DACH1: variants seen among roughly 807,000 people sequenced by gnomAD.
DACH1 encodes dachshund homolog 1.
A neutral mutation model predicts 54.2 loss-of-function variants in DACH1; 12 were observed. The observed-to-expected ratio is 0.22, with a 90% confidence interval of 0.14 to 0.36. DACH1 has a LOEUF of 0.36. Among genes scored for constraint, DACH1 ranks in the 10% least tolerant of loss-of-function variants. The pLI, the probability that DACH1 is intolerant of heterozygous loss-of-function variation, is 1.00. For missense variants in DACH1, 805 were observed against 929.8 expected, an observed-to-expected ratio of 0.87 and a Z score of 1.75; for synonymous variants, 386 against 366.2, an observed-to-expected ratio of 1.05 and a Z score of -0.62.
intron 10 of DACH1, among the ~76,000 whole-genome samples, chr13:71,470,650 C>G (rs919462779): frequency 1.3e-5 from 2 of 152,050 alleles, no homozygotes; most frequent in Admixed American, 1.3e-4. Context: ...CTTAGGTCAT[C>G]CATTTTTCCC....
At chr13:71,501,366 G>A (rs963205657) in intron 6 of DACH1, among the ~76,000 whole-genome samples, 2 of 152,136 alleles carry the variant, frequency 1.3e-5, no homozygotes, top group Non-Finnish European at 2.9e-5. Flanking sequence ...TTTAGTAAAT[G>A]TTAAGAGATT....
intron 3 of DACH1, among the ~76,000 whole-genome samples, chr13:71,623,657 T>C (rs1876416824): frequency 6.6e-6 from 1 of 151,784 alleles, no homozygotes; most frequent in African/African-American, 2.4e-5. Context: ...TTATCTTTTA[T>C]TGAGGTTTCA....
chr13:71,761,423 CT>C (rs1885396148), intron 1 of DACH1, among the ~76,000 whole-genome samples: 1 of 151,550 alleles, frequency 6.6e-6, no homozygotes, highest in African/African-American at 2.4e-5. Flanking sequence ...TAACTATAAA[CT>C]TCTTCTCTTT....
At chr13:71,589,000 T>C (rs1873493176) in intron 3 of DACH1, among the ~76,000 whole-genome samples, 1 of 151,858 alleles carries the variant, frequency 6.6e-6, no homozygotes, top group Non-Finnish European at 1.5e-5. Context: ...ATTAGCAAAA[T>C]ATCACTCCCT....
At chr13:71,725,372 T>C (rs781414042) in intron 1 of DACH1, among the ~76,000 whole-genome samples, 3 of 152,142 alleles carry the variant, frequency 2.0e-5, no homozygotes, top group Non-Finnish European at 4.4e-5. Context: ...CTAAAACTCC[T>C]CTCAAAAGCT....
chr13:71,653,925 G>T lies in DACH1; in HGVS notation c.965-23208C>A, dbSNP rs1878863171. Among the ~76,000 whole-genome samples, 3 of 151,972 alleles carry T rather than the reference G, an allele frequency of 2.0e-5. No homozygotes were observed. The South Asian group carries it at 6.2e-4, about 32-fold the overall frequency. On this transcript the variant is annotated intron_variant, in intron 2 of 10. Coordinates refer to ENST00000613252, the MANE Select transcript of DACH1 (RefSeq NM_080759.6). ...TAAATGTTCTCATCAGAAAAAAAAAGAAAGAATAGAACCACTATTTATATT... is the reference window on the plus strand; with the variant it reads ...TAAATGTTCTCATCAGAAAAAAAAATAAAGAATAGAACCACTATTTATATT...
rs535847766 is a variant in DACH1 at position 71,589,033 on chromosome 13, A to T, written c.1127-16021T>A. On this transcript the variant is annotated intron_variant, in intron 3 of 10. Transcript: ENST00000613252. Reference sequence around the variant, plus strand: ...CCTATGAAATGCGATAGTGTTTATCAAAAAAATAAAATAAAAAGGAAGGCT... The same window carrying T: ...CCTATGAAATGCGATAGTGTTTATCTAAAAAATAAAATAAAAAGGAAGGCT... Among the ~76,000 whole-genome samples the T allele has an allele frequency of 2.0e-5, 3 of 152,118 alleles. No individual in the cohort carries two copies. In the South Asian group the frequency reaches 6.2e-4, roughly 32 times the overall value.
intron 10 of DACH1, among the ~76,000 whole-genome samples, chr13:71,463,770 A>G (rs1876316258): frequency 6.6e-6 from 1 of 151,976 alleles, no homozygotes; most frequent in Admixed American, 6.6e-5. Flanking sequence ...CTGTGTCAAA[A>G]ACAATCCCAT....
chr13:71,595,473 G>A lies in DACH1; in HGVS notation c.1127-22461C>T, dbSNP rs141205808. Reference sequence around the variant, plus strand: ...TGGAACTGAGTTCTGAGACTTTCACGATAATTCCAGCAGGTGATAATGGAG... The same window carrying A: ...TGGAACTGAGTTCTGAGACTTTCACAATAATTCCAGCAGGTGATAATGGAG... On this transcript the variant is annotated intron_variant, in intron 3 of 10. Coordinates refer to ENST00000613252, the MANE Select transcript of DACH1 (RefSeq NM_080759.6). Among the ~76,000 whole-genome samples the A allele has an allele frequency of 3.4e-3, 517 of 152,212 alleles. 3 individuals carry two copies. The highest frequency in any genetic ancestry group is 0.012 in the African/African-American group (490 of 41,528).
chr13:71,706,248 TATTA>T (rs1317348838), intron 1 of DACH1, among the ~76,000 whole-genome samples: 2 of 151,432 alleles, frequency 1.3e-5, no homozygotes, highest in Admixed American at 6.6e-5. Flanking sequence ...AAAAACATAT[TATTA>T]ATTATATTAT....
intron 6 of DACH1, among the ~76,000 whole-genome samples, chr13:71,520,860 A>C (rs568323155): frequency 2.0e-5 from 3 of 152,110 alleles, no homozygotes; most frequent in African/African-American, 7.2e-5. Flanking sequence ...TATGGTAGTT[A>C]GGTGAGAAGG....
intron 2 of DACH1, among the ~76,000 whole-genome samples, chr13:71,642,362 G>A (rs1877969505): frequency 6.6e-6 from 1 of 152,150 alleles, no homozygotes; most frequent in Non-Finnish European, 1.5e-5. Flanking sequence ...AAAGCTTCGT[G>A]AGAAACACCG....
At chr13:71,550,645 A>G (rs1226210170) in intron 6 of DACH1, among the ~76,000 whole-genome samples, 1 of 152,160 alleles carries the variant, frequency 6.6e-6, no homozygotes, top group Non-Finnish European at 1.5e-5. Context: ...CTCTGCTCCT[A>G]GAAATAATTC....
intron 10 of DACH1, among the ~76,000 whole-genome samples, chr13:71,459,408 G>T (rs1875874729): frequency 6.6e-6 from 1 of 151,924 alleles, no homozygotes; most frequent in South Asian, 2.1e-4. Context: ...GTTTCAGGAA[G>T]AGAGAAAATG....
chr13:71,664,441 T>A (rs1011558210), intron 2 of DACH1, among the ~76,000 whole-genome samples: 2 of 151,992 alleles, frequency 1.3e-5, no homozygotes, highest in African/African-American at 4.8e-5. Context: ...CCATAAATGG[T>A]TGAAACAATC....
chr13:71,748,950 TTCTCTC>T (rs1178216959), intron 1 of DACH1, among the ~76,000 whole-genome samples: 1 of 85,298 alleles, frequency 1.2e-5, no homozygotes, highest in African/African-American at 4.3e-5. Flanking sequence ...CTTTCTTTCT[TTCTCTC>T]TTTCTTTCTC....
intron 1 of DACH1, among the ~76,000 whole-genome samples, chr13:71,786,096 T>C (rs1183763541): frequency 6.6e-6 from 1 of 152,048 alleles, no homozygotes; most frequent in Non-Finnish European, 1.5e-5. Context: ...GAGAGCCCAA[T>C]ATAAGATTCA....
intron 3 of DACH1, among the ~76,000 whole-genome samples, chr13:71,584,346 G>A (rs779048251): frequency 6.6e-6 from 1 of 152,148 alleles, no homozygotes; most frequent in Non-Finnish European, 1.5e-5. Context: ...CCTATGAAGA[G>A]TTGCTTTTCA....
chr13:71,778,591 C>A (rs1190533354), intron 1 of DACH1, among the ~76,000 whole-genome samples: 1 of 150,982 alleles, frequency 6.6e-6, no homozygotes, highest in East Asian at 1.9e-4. Flanking sequence ...CTATTGTTTT[C>A]TTTATAATAG....
Sources: gnomAD v4.1 joint callset for allele counts (sites outside exome capture counted in the v4.1 genomes callset) on GRCh38, gnomAD v4.1.1 for gene constraint, MANE v1.5 for transcripts, NCBI Gene and HGNC (gene_info 2026-07-23, HGNC 2026-07-21) for gene names.